Variants in ZHX3 observed in about 807,000 individuals in gnomAD.
The protein encoded by ZHX3 is zinc fingers and homeoboxes 3, also known as zinc fingers and homeoboxes protein 3.
Under a neutral mutation model 64.5 loss-of-function variants are expected in ZHX3, and 20 were observed. That is an observed-to-expected ratio of 0.31 (90% confidence interval 0.22 to 0.45). The LOEUF (loss-of-function observed/expected upper bound fraction) is 0.45, where lower values mean the gene tolerates loss of function less well. ZHX3 is among the 20% of genes least tolerant of loss of function. The pLI, the probability that ZHX3 is intolerant of heterozygous loss-of-function variation, is 1.00. For missense variants in ZHX3, 1,041 were observed against 1,195.8 expected, an observed-to-expected ratio of 0.87 and a Z score of 1.91; for synonymous variants, 423 against 461.6, an observed-to-expected ratio of 0.92 and a Z score of 1.07.
intron 2 of ZHX3, among the ~76,000 whole-genome samples, chr20:41,236,351 T>C (rs563419665): frequency 4.6e-5 from 7 of 152,252 alleles, no homozygotes; most frequent in Non-Finnish European, 7.4e-5. Flanking sequence ...GGAGGCATCA[T>C]GCTACCTGAC....
chr20:41,234,462 T>TC (rs1456029871), intron 2 of ZHX3, among the ~76,000 whole-genome samples: 1 of 152,136 alleles, frequency 6.6e-6, no homozygotes, highest in Non-Finnish European at 1.5e-5. Flanking sequence ...TTCCTATCTC[T>TC]CCATTTTATA....
At chr20:41,295,775 C>T (rs1377272387) in intron 1 of ZHX3, among the ~76,000 whole-genome samples, 8 of 151,550 alleles carry the variant, frequency 5.3e-5, no homozygotes, top group South Asian at 2.1e-4. Context: ...GGCCTGAACC[C>T]GGGAGGCGGA....
At chr20:41,275,719 C>T (rs913171047) in intron 1 of ZHX3, among the ~76,000 whole-genome samples, 1 of 152,186 alleles carries the variant, frequency 6.6e-6, no homozygotes, top group African/African-American at 2.4e-5. Context: ...AGAGGACTTC[C>T]TATTCTTTGG....
chr20:41,219,795 C>T lies in ZHX3; in HGVS notation c.-150-14729G>A, dbSNP rs905131894. Reference sequence around the variant, plus strand: ...CTGAAGTTAGGTGAAACCAATGAAACGTGAACAAATGTGTCACCTCCAGGG... The same window carrying T: ...CTGAAGTTAGGTGAAACCAATGAAATGTGAACAAATGTGTCACCTCCAGGG... On this transcript the variant is annotated intron_variant, in intron 2 of 3. Coordinates refer to ENST00000683867, the MANE Select transcript of ZHX3 (RefSeq NM_001384317.1). This position sits in a 1 kb window ranked among gnomAD's most constrained non-coding sequence, Gnocchi z 5.0. Among the ~76,000 whole-genome samples the T allele has an allele frequency of 4.6e-5, 7 of 152,182 alleles. No individual in the cohort carries two copies. The highest frequency in any genetic ancestry group is 9.7e-5 in the African/African-American group (4 of 41,438).
intron 2 of ZHX3, among the ~76,000 whole-genome samples, chr20:41,225,767 C>A (rs1050247160): frequency 1.3e-5 from 2 of 152,126 alleles, no homozygotes; most frequent in South Asian, 4.1e-4. Context: ...GGATTACAGG[C>A]GTGAACCACC....
intron 3 of ZHX3, among the ~76,000 whole-genome samples, chr20:41,190,535 T>A (rs1029529807): frequency 6.6e-6 from 1 of 152,194 alleles, no homozygotes; most frequent in Non-Finnish European, 1.5e-5. Context: ...TTTTATATAT[T>A]TTTTTCCTTT....
At chr20:41,302,912 A>G (rs1381571374) in intron 1 of ZHX3, among the ~76,000 whole-genome samples, 1 of 152,258 alleles carries the variant, frequency 6.6e-6, no homozygotes, top group Non-Finnish European at 1.5e-5. Context: ...TCTCTACACA[A>G]TACAGGCTGA....
intron 2 of ZHX3, among the ~76,000 whole-genome samples, chr20:41,217,056 C>T (rs916749466): frequency 6.6e-6 from 1 of 152,018 alleles, no homozygotes; most frequent in Non-Finnish European, 1.5e-5. Context: ...CTATTCTTTA[C>T]CTGTCATAGA....
At chr20:41,220,728 C>T (rs1441131265) in intron 2 of ZHX3, among the ~76,000 whole-genome samples, 1 of 152,022 alleles carries the variant, frequency 6.6e-6, no homozygotes, top group East Asian at 1.9e-4. Flanking sequence ...GAGTCTTACT[C>T]TATCACCCAG....
chr20:41,220,928 A>C (rs1396275020), intron 2 of ZHX3, among the ~76,000 whole-genome samples: 1 of 151,798 alleles, frequency 6.6e-6, no homozygotes, highest in Non-Finnish European at 1.5e-5. Flanking sequence ...GACTCAAGTG[A>C]CCCACCCGCC....
At chr20:41,299,559 A>G (rs2044711570) in intron 1 of ZHX3, among the ~76,000 whole-genome samples, 2 of 152,190 alleles carry the variant, frequency 1.3e-5, no homozygotes, top group Non-Finnish European at 2.9e-5. Flanking sequence ...GTAGAAAAAG[A>G]CATATGAAAG....
At chr20:41,218,219 G>A (rs57255371) in intron 2 of ZHX3, among the ~76,000 whole-genome samples, 39,945 of 151,770 alleles carry the variant, frequency 0.26, 6,043 homozygotes, top group East Asian at 0.73. Context: ...CAAGGAGACA[G>A]GATTGCCTGA....
intron 1 of ZHX3, among the ~76,000 whole-genome samples, chr20:41,293,294 T>C (rs989122889): frequency 6.6e-6 from 1 of 152,210 alleles, no homozygotes; most frequent in East Asian, 1.9e-4. Flanking sequence ...CCCAGGTAAT[T>C]TGTATGCACA....
intron 2 of ZHX3, among the ~76,000 whole-genome samples, chr20:41,245,098 A>G (rs2041611863): frequency 6.6e-6 from 1 of 152,256 alleles, no homozygotes; most frequent in Non-Finnish European, 1.5e-5. Context: ...GGGGCCTACA[A>G]GTAAATGTTT....
At chr20:41,241,880 T>C (rs1299062845) in intron 2 of ZHX3, among the ~76,000 whole-genome samples, 1 of 152,166 alleles carries the variant, frequency 6.6e-6, no homozygotes, top group Non-Finnish European at 1.5e-5. Context: ...AATCCATGAA[T>C]TAGACCCCTT....
intron 1 of ZHX3, among the ~76,000 whole-genome samples, chr20:41,306,122 C>T (rs560513448): frequency 1.3e-5 from 2 of 152,114 alleles, no homozygotes; most frequent in Admixed American, 1.3e-4. Context: ...AGCTGGTTTC[C>T]TTATTTATTA....
At chr20:41,244,393 A>G (rs2146467424) in intron 2 of ZHX3, among the ~76,000 whole-genome samples, 1 of 152,338 alleles carries the variant, frequency 6.6e-6, no homozygotes, top group African/African-American at 2.4e-5. Flanking sequence ...ACGGAGGGTC[A>G]GGCACAGTAG....
rs149024724 is a variant in ZHX3 at position 41,202,872 on chromosome 20, T to C, written c.2045A>G (p.Glu682Gly). 8.1e-6 allele frequency: 13 copies of C among 1,614,038 alleles called. No individual in the cohort carries two copies. In the African/African-American group the frequency reaches 1.6e-4, roughly 20 times the overall value. ...CTCATCCTCAGCAGCCTCCTCTTCC[T>C]CCTGAGAGGCATTCTCCTCAGCCTT... ...TKKAEENASQEEEEAAEDEGG... is the reference protein window; with the variant it reads ...TKKAEENASQGEEEAAEDEGG... The change falls in exon 3 of 4, where the codon GAG (glutamate) becomes GGG (glycine). Residue 682 changes from glutamate (E) to glycine (G), a missense_variant. Glu to Gly is a moderately conservative substitution (Grantham distance 98, BLOSUM62 -2). Transcript: ENST00000683867. The surrounding 1 kb of genome is among the most constrained non-coding windows in gnomAD (Gnocchi z 7.0).
chr20:41,260,636 G>T (rs538968222), intron 2 of ZHX3, among the ~76,000 whole-genome samples: 12 of 152,362 alleles, frequency 7.9e-5, no homozygotes, highest in African/African-American at 2.9e-4. Context: ...CAATGAGGAA[G>T]AGGTTATCTC....
Sources: gnomAD v4.1 joint callset for allele counts (sites outside exome capture counted in the v4.1 genomes callset) on GRCh38, gnomAD v4.1.1 for gene constraint, Gnocchi (gnomAD v3.1) non-coding constraint, MANE v1.5 for transcripts, NCBI Gene and HGNC (gene_info 2026-07-23, HGNC 2026-07-21) for gene names.